Variants in AIMP1 observed in about 807,000 individuals in gnomAD.
AIMP1 encodes the protein aminoacyl tRNA synthetase complex interacting multifunctional protein 1.
A neutral mutation model predicts 33.1 loss-of-function variants in AIMP1; 24 were observed. The observed-to-expected ratio is 0.73, with a 90% CI of 0.53 to 1.02. The LOEUF (loss-of-function observed/expected upper bound fraction) is 1.02. Among genes scored for constraint, AIMP1 ranks in the 50% least tolerant of loss-of-function variants. The pLI, the probability that AIMP1 is intolerant of heterozygous loss-of-function variation, is 0.00. For missense variants in AIMP1, 367 were observed against 364.8 expected (o/e 1.01, Z -0.05); for synonymous variants, 120 against 121.5 (o/e 0.99, Z 0.08).
chr4:106,335,774 T>A (rs1014200855), intron 5 of AIMP1, among the ~76,000 whole-genome samples: 4 of 151,976 alleles, frequency 2.6e-5, no homozygotes, highest in Admixed American at 6.6e-5. Flanking sequence ...GCATATAACA[T>A]TTATTTATAA....
intron 5 of AIMP1, among the ~76,000 whole-genome samples, chr4:106,334,921 A>C (rs1769817221): frequency 6.6e-6 from 1 of 152,198 alleles, no homozygotes; most frequent in African/African-American, 2.4e-5. Flanking sequence ...AGGGTTAATA[A>C]CTGAGAAAGT....
intron 6 of AIMP1, among the ~76,000 whole-genome samples, chr4:106,346,387 G>T (rs1242337453): frequency 6.6e-6 from 1 of 152,182 alleles, no homozygotes; most frequent in Non-Finnish European, 1.5e-5. Flanking sequence ...GGGGCAGAGT[G>T]CTGTACTAGC....
intron 6 of AIMP1, among the ~76,000 whole-genome samples, chr4:106,342,542 A>C (rs1579646155): frequency 6.6e-6 from 1 of 152,338 alleles, no homozygotes; most frequent in East Asian, 1.9e-4. Flanking sequence ...TGAGATGATT[A>C]TATAATTTTT....
intron 5 of AIMP1, among the ~76,000 whole-genome samples, chr4:106,336,101 A>G (rs1388383945): frequency 7.7e-6 from 1 of 130,162 alleles, no homozygotes; most frequent in Non-Finnish European, 1.5e-5. Flanking sequence ...GTTCAGTGGC[A>G]TAATCAAGGC....
chr4:106,340,920 C>T (rs1770075097), intron 6 of AIMP1, among the ~76,000 whole-genome samples: 1 of 152,114 alleles, frequency 6.6e-6, no homozygotes, highest in Admixed American at 6.6e-5. Context: ...TCCACCTCAC[C>T]AACATCTTAT....
rs747801293 is a variant in AIMP1 at position 106,347,669 on chromosome 4, A to G, written c.916A>G (p.Met306Val). 9.3e-6 allele frequency: 15 copies of G among 1,613,112 alleles called. No individual in the cohort carries two copies. Among genetic ancestry groups the G allele is most frequent in the Non-Finnish European group, 1.3e-5 (15 of 1,179,574 alleles). The change falls in exon 7 of 7, where the codon ATG (methionine) becomes GTG (valine). Residue 306 changes from methionine to valine, a missense_variant. By Grantham distance (21) the Met-to-Val change is conservative. Transcript: ENST00000672341. ...KGKGVCRAQT[M>V]SNSGIK Reference sequence around the variant, plus strand: ...GAAGGGAGTATGTAGGGCTCAAACCATGAGCAACAGTGGAATCAAATAAAA... The same window carrying G: ...GAAGGGAGTATGTAGGGCTCAAACCGTGAGCAACAGTGGAATCAAATAAAA...
At chr4:106,336,356 T>TA (rs1164646812) in intron 5 of AIMP1, among the ~76,000 whole-genome samples, 1 of 152,026 alleles carries the variant, frequency 6.6e-6, no homozygotes, top group African/African-American at 2.4e-5. Flanking sequence ...TTTTTTAAAT[T>TA]AAAAAATAAA....
intron 5 of AIMP1, 89 bp from the exon 6 acceptor site, chr4:106,336,780 T>G: frequency 2.5e-6 from 3 of 1,215,600 alleles, no homozygotes; most frequent in Non-Finnish European, 3.7e-6. Flanking sequence ...CATTTGATAC[T>G]TAGCATATTA....
intron 6 of AIMP1, among the ~76,000 whole-genome samples, chr4:106,337,781 T>G (rs1019545151): frequency 6.6e-6 from 1 of 152,124 alleles, no homozygotes; most frequent in African/African-American, 2.4e-5. Flanking sequence ...CTGGATACTT[T>G]CAGGGCTCAG....
At chr4:106,316,413 G>A, upstream of AIMP1, 3 of 818,924 alleles carry the variant, frequency 3.7e-6, no homozygotes, top group Non-Finnish European at 6.0e-6. Context: ...AGCGTGGTAT[G>A]GCAGGTTAAT....
rs1422745339 is a variant in AIMP1 at position 106,329,245 on chromosome 4, ACT to A, written c.391+1005_391+1006del. Among the ~76,000 whole-genome samples, 4 of 152,164 alleles carry A rather than the reference ACT, an allele frequency of 2.6e-5. No homozygotes were observed. The South Asian group carries it at 6.2e-4, about 24-fold the overall frequency. On this transcript the variant is annotated intron_variant, in intron 4 of 6. Transcript: ENST00000672341. ...ATTACAATGAAAGCAAGTCAGACTA[ACT>A]CTTCTAGTTTATAAAGTACGTTAAG...
chr4:106,321,567 G>C (rs562677033), intron 1 of AIMP1: 3 of 152,028 alleles, frequency 2.0e-5, no homozygotes, highest in African/African-American at 5.0e-5. Flanking sequence ...CAGCGGCCCC[G>C]TCCGGGAGGT....
chr4:106,316,286 T>G, upstream of AIMP1: 1 of 389,920 alleles, frequency 2.6e-6, no homozygotes, highest in Non-Finnish European at 4.7e-6. Flanking sequence ...CCCCGACTTG[T>G]GGTGTCCTTC....
intron 1 of AIMP1, among the ~76,000 whole-genome samples, chr4:106,317,132 G>A (rs1471909442): frequency 1.3e-5 from 2 of 152,190 alleles, no homozygotes; most frequent in African/African-American, 2.4e-5. Context: ...CAGGGAAGAA[G>A]GGTATAAAGT....
upstream of AIMP1, chr4:106,316,347 GC>G (rs1178458104): frequency 1.7e-6 from 1 of 588,102 alleles, no homozygotes; most frequent in East Asian, 2.9e-5. Context: ...AGAAAGAGGT[GC>G]GGGGGGACGG....
rs1350027741 is a variant in AIMP1, at chr4:106,347,739, A to G, written c.*47A>G. 3 of 1,573,258 alleles carry G rather than the reference A, an allele frequency of 1.9e-6. No individual in the cohort carries two copies. The highest frequency in any genetic ancestry group is 1.2e-5 in the South Asian group (1 of 86,506). On this transcript the variant is annotated 3_prime_UTR_variant, in exon 7 of 7. Transcript: ENST00000672341. The stretch of plus-strand genomic sequence containing the variant: ...CATTAGAGAAAACCTTAAAAGTAAT[A>G]AAGAGAAATATATTTGTCACTTATA...
In AIMP1 at chr4:106,336,902, C is replaced by G; in HGVS notation, c.637C>G (p.Leu213Val). 6.2e-7 allele frequency: 1 copy of G among 1,614,006 alleles called. No homozygotes were observed. The highest frequency in any genetic ancestry group is 8.5e-7 in the Non-Finnish European group (1 of 1,179,974). The stretch of plus-strand genomic sequence containing the variant: ...TCGGATGGTGATTTTACTTTGTAAC[C>G]TGAAACCTGCAAAGATGAGGGGAGT... ...QNRMVILLCN[L>V]KPAKMRGVLS... The change falls in exon 6 of 7, where the codon CTG becomes GTG. Residue 213 changes from leucine (L) to valine (V), a missense_variant. Coordinates refer to ENST00000672341, the MANE Select transcript of AIMP1 (RefSeq NM_001142416.2).
chr4:106,339,972 G>T (rs1260378639), intron 6 of AIMP1, among the ~76,000 whole-genome samples: 1 of 152,160 alleles, frequency 6.6e-6, no homozygotes, highest in Non-Finnish European at 1.5e-5. Context: ...GCTTCATAAT[G>T]TGTGAGAAAG....
chr4:106,328,418 A>G (rs574137337), intron 4 of AIMP1, among the ~76,000 whole-genome samples, 175 bp downstream of exon 4: 1 of 152,188 alleles, frequency 6.6e-6, no homozygotes, highest in Non-Finnish European at 1.5e-5. Context: ...TGGTGTGTGA[A>G]TATTGACCAG....
Sources: gnomAD v4.1 joint callset for allele counts (sites outside exome capture counted in the v4.1 genomes callset) on GRCh38, gnomAD v4.1.1 for gene constraint, MANE v1.5 for transcripts, NCBI Gene and HGNC (gene_info 2026-07-23, HGNC 2026-07-21) for gene names.